Variants in ARPC1A observed in about 807,000 individuals in gnomAD.
ARPC1A encodes actin related protein 2/3 complex subunit 1A, also known as actin-related protein 2/3 complex subunit 1A.
Under a neutral mutation model 46.9 loss-of-function variants are expected in ARPC1A, and 8 were observed. That is an observed-to-expected ratio of 0.17 (90% CI 0.10 to 0.31). The LOEUF (loss-of-function observed/expected upper bound fraction) is 0.31. Ranked by LOEUF, ARPC1A falls within the 10% of genes least tolerant of loss-of-function variation. The probability of loss-of-function intolerance (pLI) is 1.00; values close to 1 mark genes in which losing one functional copy is unlikely to be tolerated. For synonymous variants in ARPC1A, 152 were observed against 169.0 expected (o/e 0.90, Z 0.78); for missense variants, 286 against 483.6 (o/e 0.59, Z 3.83).
chr7:99,338,535 G>A (rs1287232236), intron 3 of ARPC1A, among the ~76,000 whole-genome samples: 1 of 151,596 alleles, frequency 6.6e-6, no homozygotes, highest in Non-Finnish European at 1.5e-5. Context: ...ACAGGCACGC[G>A]CCACTATGCC....
At chr7:99,340,151 TG>T in intron 3 of ARPC1A, 2 of 205,778 alleles carry the variant, frequency 9.7e-6, no homozygotes, top group South Asian at 9.8e-5. Context: ...TTTCTGTTTT[TG>T]TTTGTTTGTT....
chr7:99,354,585 C>T (rs1793601140), intron 6 of ARPC1A, among the ~76,000 whole-genome samples: 1 of 151,140 alleles, frequency 6.6e-6, no homozygotes, highest in South Asian at 2.1e-4. Context: ...CAGTGGCTCA[C>T]GCCTATAATC....
intron 8 of ARPC1A, chr7:99,360,174 A>C (rs772450609): frequency 3.0e-4 from 59 of 198,420 alleles, no homozygotes; most frequent in Non-Finnish European, 5.6e-4. Context: ...CTGTCGTTTC[A>C]AGTAATGGAT....
At chr7:99,345,346 A>G (rs1445642244) in intron 4 of ARPC1A, among the ~76,000 whole-genome samples, 2 of 152,166 alleles carry the variant, frequency 1.3e-5, no homozygotes, top group Admixed American at 6.6e-5. Context: ...CTAATCAGCT[A>G]TTGCACATTT....
chr7:99,341,134 C>A (rs919117320), intron 3 of ARPC1A, among the ~76,000 whole-genome samples: 1 of 150,862 alleles, frequency 6.6e-6, no homozygotes, highest in Admixed American at 6.6e-5. Context: ...CATGGTGAAA[C>A]CCTGTCTCTA....
At chr7:99,363,675 C>CT (rs756919545) in intron 9 of ARPC1A, 42 bp downstream of exon 9, 45,895 of 1,091,266 alleles carry the variant, frequency 0.042, 2 homozygotes, top group Non-Finnish European at 0.046. Context: ...TGTGTTAAAA[C>CT]TTTTTTTTTT....
intron 5 of ARPC1A, among the ~76,000 whole-genome samples, chr7:99,353,113 T>TTTAGTTTATG (rs1554345302): frequency 2.8e-4 from 38 of 136,714 alleles, no homozygotes; most frequent in South Asian, 1.7e-3. Context: ...TTTAGTTTAG[T>TTTAGTTTATG]TTATGTTATG....
At chr7:99,363,751 T>G in intron 9 of ARPC1A, 118 bp downstream of exon 9, 2 of 708,268 alleles carry the variant, frequency 2.8e-6, no homozygotes, top group Non-Finnish European at 4.5e-6. Flanking sequence ...CATGGCTCAC[T>G]GCAGCCACCA....
chr7:99,333,424 A>G lies in ARPC1A; in HGVS notation c.64+7A>G. On this transcript the variant is annotated splice_region_variant and intron_variant, in intron 2 of 9. Transcript: ENST00000262942. ...TGGAACAGGGATCGTACTCGTAAGT[A>G]TTTTATTAACTTTGCTTTTGTATTT... 2 of 1,610,732 alleles carry G rather than the reference A, an allele frequency of 1.2e-6. No individual in the cohort carries two copies. Among genetic ancestry groups the G allele is most frequent in the Non-Finnish European group, 1.7e-6 (2 of 1,178,430 alleles).
intron 5 of ARPC1A, among the ~76,000 whole-genome samples, chr7:99,350,905 C>T (rs896369138): frequency 5.3e-5 from 8 of 151,774 alleles, no homozygotes; most frequent in African/African-American, 1.7e-4. Context: ...CCTTGGCCTC[C>T]CAAAGTGCTG....
chr7:99,359,500 C>T lies in ARPC1A; in HGVS notation c.790-45C>T, dbSNP rs779518220. ...GTGAACACTCTGCCAAGGAGGTGGGCGGTGGGCAGTGCATCCTCCAGGGAC... is the reference window on the plus strand; with the variant it reads ...GTGAACACTCTGCCAAGGAGGTGGGTGGTGGGCAGTGCATCCTCCAGGGAC... On this transcript the variant is annotated intron_variant, in intron 7 of 9. Coordinates refer to ENST00000262942, the MANE Select transcript of ARPC1A (RefSeq NM_006409.4). 1.1e-5 allele frequency: 18 copies of T among 1,589,236 alleles called. No individual in the cohort carries two copies. In the East Asian group the frequency reaches 1.8e-4, roughly 16 times the overall value.
intron 5 of ARPC1A, among the ~76,000 whole-genome samples, chr7:99,351,483 T>C (rs1041045745): frequency 6.6e-6 from 1 of 151,984 alleles, no homozygotes; most frequent in Non-Finnish European, 1.5e-5. Flanking sequence ...CCTCCCAAAG[T>C]GCTGGGGTTA....
chr7:99,334,757 C>G (rs1197129684), intron 2 of ARPC1A, among the ~76,000 whole-genome samples: 6 of 152,184 alleles, frequency 3.9e-5, no homozygotes, highest in Non-Finnish European at 8.8e-5. Context: ...TCTCGGCTTA[C>G]TGCAACCTCC....
chr7:99,365,282 T>G (rs1793816560), intron 9 of ARPC1A, among the ~76,000 whole-genome samples: 1 of 151,318 alleles, frequency 6.6e-6, no homozygotes, highest in Admixed American at 6.6e-5. Flanking sequence ...CGTGACCCCA[T>G]CTCTATAAAA....
intron 5 of ARPC1A, among the ~76,000 whole-genome samples, chr7:99,350,033 A>G (rs1392010528): frequency 6.6e-6 from 1 of 152,156 alleles, no homozygotes; most frequent in East Asian, 1.9e-4. Flanking sequence ...AAAACAAAAC[A>G]AAAAAATGGA....
chr7:99,359,455 AGT>A (rs1793700322), intron 7 of ARPC1A, 88 bp from the exon 8 acceptor site: 1 of 943,302 alleles, frequency 1.1e-6, no homozygotes. Context: ...AAAAAAAAAG[AGT>A]AAGAGAGGCC....
At chr7:99,339,616 G>A (rs919122437) in intron 3 of ARPC1A, among the ~76,000 whole-genome samples, 5 of 152,082 alleles carry the variant, frequency 3.3e-5, no homozygotes, top group Admixed American at 1.3e-4. Flanking sequence ...ATGCATCTCC[G>A]GCAGCCTGCT....
chr7:99,335,189 T>C (rs1793222334), intron 2 of ARPC1A, among the ~76,000 whole-genome samples: 1 of 152,044 alleles, frequency 6.6e-6, no homozygotes, highest in African/African-American at 2.4e-5. Context: ...AGGGATGCGC[T>C]ATGTCACCCA....
intron 6 of ARPC1A, 140 bp from the exon 7 acceptor site, chr7:99,358,200 G>C (rs766552316): frequency 5.1e-5 from 39 of 768,918 alleles, no homozygotes; most frequent in Non-Finnish European, 8.2e-5. Context: ...TGCAAGTTGA[G>C]GTCAGGGGCT....
Sources: allele counts gnomAD v4.1 joint callset (sites outside exome capture counted in the v4.1 genomes callset), GRCh38; gene constraint gnomAD v4.1.1; transcripts MANE v1.5; gene names NCBI Gene and HGNC (gene_info 2026-07-23, HGNC 2026-07-21).